The following DDAH1 variants were observed in gnomAD, a reference collection of about 807,000 sequenced individuals.
DDAH1 encodes dimethylarginine dimethylaminohydrolase 1, also known as N(G),N(G)-dimethylarginine dimethylaminohydrolase 1.
DDAH1 carries 19 observed loss-of-function variants against 28.8 expected under a neutral mutation model. The observed-to-expected ratio is 0.66, with a 90% CI of 0.46 to 0.97. The LOEUF (loss-of-function observed/expected upper bound fraction) is 0.97, where lower values mean the gene tolerates loss of function less well. DDAH1 is among the 50% of genes least tolerant of loss of function. The probability of loss-of-function intolerance (pLI) is 0.00; values close to 1 mark genes in which losing one functional copy is unlikely to be tolerated. For synonymous variants in DDAH1, 153 were observed against 154.4 expected (o/e 0.99, Z 0.07); for missense variants, 326 against 375.9 (o/e 0.87, Z 1.10).
At chr1:85,510,849 G>T (rs1293820187) in intron 1 of DDAH1, among the ~76,000 whole-genome samples, 1 of 152,166 alleles carries the variant, frequency 6.6e-6, no homozygotes, top group Non-Finnish European at 1.5e-5. Flanking sequence ...GATTCATAAA[G>T]CAAGTCCTTA....
chr1:85,375,332 C>A (rs575646405), intron 1 of DDAH1, among the ~76,000 whole-genome samples: 1 of 152,166 alleles, frequency 6.6e-6, no homozygotes, highest in East Asian at 1.9e-4. Flanking sequence ...CTGGTCAACT[C>A]GAGCCCTCAT....
chr1:85,442,275 A>G (rs544906662), intron 1 of DDAH1, among the ~76,000 whole-genome samples: 2 of 152,144 alleles, frequency 1.3e-5, no homozygotes, highest in Non-Finnish European at 2.9e-5. Context: ...GAGAACATGC[A>G]GTGTTTGGTT....
At chr1:85,481,974 T>C (rs1221038916) in intron 2 of DDAH1, among the ~76,000 whole-genome samples, 2 of 152,212 alleles carry the variant, frequency 1.3e-5, no homozygotes, top group African/African-American at 4.8e-5. Flanking sequence ...TTACTAACAG[T>C]TAAGGTTCTG....
At chr1:85,381,223 C>G (rs1650968305) in intron 1 of DDAH1, among the ~76,000 whole-genome samples, 1 of 129,312 alleles carries the variant, frequency 7.7e-6, no homozygotes, top group East Asian at 2.1e-4. Context: ...GAGCAAAACT[C>G]CATCCAAAAA....
chr1:85,379,963 C>A (rs1650892356), intron 1 of DDAH1, among the ~76,000 whole-genome samples: 1 of 152,190 alleles, frequency 6.6e-6, no homozygotes, highest in African/African-American at 2.4e-5. Flanking sequence ...ACAGCTGTCC[C>A]TTCTCAAATT....
intron 1 of DDAH1, 46 bp from the exon 2 acceptor site, chr1:85,358,893 A>G: frequency 7.0e-7 from 1 of 1,435,236 alleles, no homozygotes; most frequent in Non-Finnish European, 9.7e-7. Flanking sequence ...CAATTTCCTA[A>G]CAAGAAAAAA....
At chr1:85,351,354 T>C (rs1422152701) in intron 3 of DDAH1, 152 bp downstream of exon 3, 1 of 656,956 alleles carries the variant, frequency 1.5e-6, no homozygotes, top group Non-Finnish European at 2.5e-6. Context: ...ATTTTATAGC[T>C]TCTAAAACTT....
intron 1 of DDAH1, among the ~76,000 whole-genome samples, chr1:85,362,644 C>CT (rs143269494): frequency 0.014 from 2,148 of 152,240 alleles, 38 homozygotes; most frequent in African/African-American, 0.049. Flanking sequence ...ATTCACCTCT[C>CT]TGAGTCTCAG....
At chr1:85,424,669 T>G (rs1406646661) in intron 1 of DDAH1, among the ~76,000 whole-genome samples, 1 of 152,058 alleles carries the variant, frequency 6.6e-6, no homozygotes. Context: ...AAAACACCAG[T>G]CAATTTTCCT....
chr1:85,452,361 A>C (rs539755013), intron 1 of DDAH1, among the ~76,000 whole-genome samples: 2 of 152,356 alleles, frequency 1.3e-5, no homozygotes, highest in African/African-American at 4.8e-5. Context: ...GCCTCTTGAC[A>C]ATGACCTACA....
chr1:85,542,300 C>A (rs952008675), intron 1 of DDAH1, among the ~76,000 whole-genome samples: 1 of 152,140 alleles, frequency 6.6e-6, no homozygotes, highest in Non-Finnish European at 1.5e-5. Flanking sequence ...TGAAAAGACA[C>A]CAAGAGTGAA....
intron 1 of DDAH1, among the ~76,000 whole-genome samples, chr1:85,527,628 T>C (rs1418537424): frequency 1.3e-5 from 2 of 152,212 alleles, no homozygotes; most frequent in Non-Finnish European, 2.9e-5. Context: ...CTGTCTACTC[T>C]CATCCCAGGC....
chr1:85,324,596 T>G, intron 5 of DDAH1, 144 bp downstream of exon 5: 2 of 898,170 alleles, frequency 2.2e-6, no homozygotes, highest in East Asian at 2.5e-5. Context: ...ACATTTTCCT[T>G]GTGCCCTAAA....
At chr1:85,368,705 C>T (rs1331093947) in intron 1 of DDAH1, among the ~76,000 whole-genome samples, 1 of 152,092 alleles carries the variant, frequency 6.6e-6, no homozygotes, top group Non-Finnish European at 1.5e-5. Flanking sequence ...AAAAGACCTG[C>T]AAAATTTAGT....
intron 1 of DDAH1, among the ~76,000 whole-genome samples, chr1:85,498,748 G>T (rs1656687566): frequency 6.6e-6 from 1 of 152,060 alleles, no homozygotes; most frequent in Non-Finnish European, 1.5e-5. Context: ...GTGAAACCCT[G>T]TCTCTACCAA....
chr1:85,496,205 T>C (rs1040772335), exon 2 of DDAH1: 16 of 985,044 alleles, frequency 1.6e-5, no homozygotes, highest in Non-Finnish European at 1.9e-5. Context: ...AAATAGCTCT[T>C]GCTTTGTATT....
intron 3 of DDAH1, among the ~76,000 whole-genome samples, chr1:85,351,042 A>G (rs1026344424): frequency 6.6e-6 from 1 of 151,752 alleles, no homozygotes. Context: ...TTCATAACAG[A>G]GTCAATTGGG....
chr1:85,413,255 G>A (rs1047900705), intron 1 of DDAH1, among the ~76,000 whole-genome samples: 3 of 152,212 alleles, frequency 2.0e-5, no homozygotes, highest in African/African-American at 7.2e-5. Flanking sequence ...TAAGGACACT[G>A]GATCCCAGTC....
chr1:85,429,324 G>A (rs1196146818), intron 1 of DDAH1, among the ~76,000 whole-genome samples: 1 of 152,108 alleles, frequency 6.6e-6, no homozygotes, highest in Admixed American at 6.5e-5. Context: ...CTTCATCCAT[G>A]TCCCTGCAAA....
Sources: allele counts gnomAD v4.1 joint callset (sites outside exome capture counted in the v4.1 genomes callset), GRCh38; gene constraint gnomAD v4.1.1; transcripts MANE v1.5; gene names NCBI Gene and HGNC (gene_info 2026-07-23, HGNC 2026-07-21).